IQGAP2: variants seen among roughly 807,000 people sequenced by gnomAD.
IQGAP2 encodes the protein IQ motif containing GTPase activating protein 2.
A neutral mutation model predicts 201.3 loss-of-function variants in IQGAP2; 173 were observed. The ratio of observed to expected loss-of-function variants is 0.86; its 90% CI spans 0.76 to 0.98. The LOEUF (loss-of-function observed/expected upper bound fraction) is 0.98. IQGAP2 is among the 50% of genes least tolerant of loss of function. The pLI, the probability that IQGAP2 is intolerant of heterozygous loss-of-function variation, is 0.00. For missense variants in IQGAP2, 1,687 were observed against 1,864.8 expected (o/e 0.90, Z 1.76); for synonymous variants, 675 against 673.9 (o/e 1.00, Z -0.03).
In IQGAP2 at chr5:76,448,886, G is replaced by C. The variant is rs541817798; in HGVS notation, c.47-12684G>C. Among the ~76,000 whole-genome samples, 39 of 152,302 alleles carry C rather than the reference G, an allele frequency of 2.6e-4. No homozygotes were observed. The South Asian group carries it at 8.1e-3, about 32-fold the overall frequency. On this transcript the variant is annotated intron_variant, in intron 1 of 35. Coordinates refer to ENST00000274364, the MANE Select transcript of IQGAP2 (RefSeq NM_006633.5). ...CTGTACATGATTCTCTTGCAGGTAT[G>C]TGTATTATTAGGTGTTCCAAGTCAG...
chr5:76,444,825 T>C (rs1283753343), intron 1 of IQGAP2, among the ~76,000 whole-genome samples: 1 of 152,176 alleles, frequency 6.6e-6, no homozygotes, highest in Non-Finnish European at 1.5e-5. Flanking sequence ...CCTCCTGGGA[T>C]TGGGTTTTTT....
At chr5:76,471,708 TA>T (rs11317899) in intron 2 of IQGAP2, among the ~76,000 whole-genome samples, 108,096 of 150,692 alleles carry the variant, frequency 0.72, 39,525 homozygotes, top group Middle Eastern at 0.83. Flanking sequence ...ATGATTAGTT[TA>T]AAAAAAAAAA....
At chr5:76,609,435 A>T (rs948473825) in intron 12 of IQGAP2, among the ~76,000 whole-genome samples, 4 of 152,212 alleles carry the variant, frequency 2.6e-5, no homozygotes, top group African/African-American at 9.7e-5. Flanking sequence ...AACATATTTA[A>T]GTATTATAGT....
intron 1 of IQGAP2, among the ~76,000 whole-genome samples, chr5:76,406,701 A>G (rs572410637): frequency 1.9e-4 from 29 of 152,380 alleles, no homozygotes; most frequent in African/African-American, 7.0e-4. Flanking sequence ...TAAAAACACC[A>G]GCAAGAGCAA....
intron 2 of IQGAP2, among the ~76,000 whole-genome samples, chr5:76,506,678 C>A (rs1368703955): frequency 6.6e-6 from 1 of 152,072 alleles, no homozygotes; most frequent in Non-Finnish European, 1.5e-5. Flanking sequence ...AGCAAGATTG[C>A]AATGTAAAGA....
intron 15 of IQGAP2, among the ~76,000 whole-genome samples, chr5:76,634,129 TAATA>T (rs562178028): frequency 1.5e-3 from 225 of 152,326 alleles, no homozygotes; most frequent in African/African-American, 5.3e-3. Context: ...CCATCCGCCT[TAATA>T]AATAAAGTTT....
chr5:76,677,970 G>C (rs1355785295), intron 28 of IQGAP2, among the ~76,000 whole-genome samples: 1 of 151,998 alleles, frequency 6.6e-6, no homozygotes, highest in Non-Finnish European at 1.5e-5. Context: ...AAGCCAGATT[G>C]TAAATATGCA....
At chr5:76,691,902 T>C (rs137945575) in intron 30 of IQGAP2, among the ~76,000 whole-genome samples, 354 of 152,354 alleles carry the variant, frequency 2.3e-3, no homozygotes, top group South Asian at 8.5e-3. Flanking sequence ...CCCATATCCT[T>C]CAAAATGTGA....
intron 2 of IQGAP2, among the ~76,000 whole-genome samples, chr5:76,522,113 A>G (rs543932143): frequency 6.6e-6 from 1 of 152,170 alleles, no homozygotes; most frequent in Non-Finnish European, 1.5e-5. Flanking sequence ...GTGAGAGAGA[A>G]AACAAAGCTG....
Position 76,597,468 on chromosome 5 carries a change from G to C in IQGAP2, c.937G>C (p.Val313Leu), listed in dbSNP as rs137915513. The change falls in exon 10 of 36, where the codon GTC (valine) becomes CTC (leucine). Residue 313 changes from valine (V) to leucine (L), a missense_variant. Coordinates refer to ENST00000274364, the MANE Select transcript of IQGAP2 (RefSeq NM_006633.5). ...RQAAVDHINA[V>L]IPEGDPENTL... is the part of the protein sequence containing the mutation. ...GGCTGCAGTGGACCATATCAATGCT[G>C]TCATTCCGGAAGGTGACCCCGAGAA... is the stretch of plus-strand genomic sequence containing the variant. 4.3e-5 allele frequency: 70 copies of C among 1,613,888 alleles called. No homozygotes were observed. The African/African-American group carries it at 8.7e-4, about 20-fold the overall frequency.
In IQGAP2 at chr5:76,420,809, A is replaced by C. The variant is rs148389215; in HGVS notation, c.46+17218A>C. 3.3e-5 allele frequency among the ~76,000 whole-genome samples: 5 copies of C among 152,252 alleles called. No homozygotes were observed. In the East Asian group the frequency reaches 9.7e-4, roughly 29 times the overall value. On this transcript the variant is annotated intron_variant, in intron 1 of 35. Coordinates refer to ENST00000274364, the MANE Select transcript of IQGAP2 (RefSeq NM_006633.5). Reference sequence around the variant, plus strand: ...TGAATTTGACTGCTCCAAGTACCTCATGTAAGGGGAATTATACAGTATTTG... The same window carrying C: ...TGAATTTGACTGCTCCAAGTACCTCCTGTAAGGGGAATTATACAGTATTTG...
chr5:76,440,804 CG>C (rs1752979980), intron 1 of IQGAP2, among the ~76,000 whole-genome samples: 1 of 152,000 alleles, frequency 6.6e-6, no homozygotes, highest in African/African-American at 2.4e-5. Flanking sequence ...GAGGCTGAGG[CG>C]GACGGATCAT....
chr5:76,525,473 T>C (rs964366584), intron 2 of IQGAP2, among the ~76,000 whole-genome samples: 1 of 152,168 alleles, frequency 6.6e-6, no homozygotes, highest in African/African-American at 2.4e-5. Context: ...ATTTTTTTTT[T>C]TTAATTCTGT....
chr5:76,608,201 A>G (rs1380933509), intron 12 of IQGAP2: 1 of 152,212 alleles, frequency 6.6e-6, no homozygotes, highest in Non-Finnish European at 1.5e-5. Flanking sequence ...CTATCAAGGT[A>G]ACAGCACTAC....
chr5:76,497,265 G>A (rs375842831), intron 2 of IQGAP2, among the ~76,000 whole-genome samples: 1 of 152,128 alleles, frequency 6.6e-6, no homozygotes. Flanking sequence ...TGCCTTCTGC[G>A]GTTTGGAGTT....
intron 24 of IQGAP2, 131 bp downstream of exon 24, chr5:76,672,114 C>A: frequency 1.5e-6 from 1 of 666,994 alleles, no homozygotes. Context: ...TGTTACCTCC[C>A]TTTAACATAT....
chr5:76,655,268 C>G (rs1394811557), intron 20 of IQGAP2, among the ~76,000 whole-genome samples: 1 of 90,286 alleles, frequency 1.1e-5, no homozygotes, highest in Non-Finnish European at 2.5e-5. Context: ...GGCATAAATG[C>G]TGATTTTTTT....
chr5:76,703,530 T>C (rs1747607216), intron 35 of IQGAP2, among the ~76,000 whole-genome samples: 1 of 151,978 alleles, frequency 6.6e-6, no homozygotes, highest in Middle Eastern at 3.4e-3. Context: ...AAAGGCATTA[T>C]GCAAAACAGA....
chr5:76,418,571 G>A lies in IQGAP2; in HGVS notation c.46+14980G>A, dbSNP rs561206393. Among the ~76,000 whole-genome samples the A allele has an allele frequency of 1.0e-3, 150 of 143,718 alleles. 1 individual carries two copies. Among genetic ancestry groups the A allele is most frequent in the Admixed American group, 5.1e-3 (70 of 13,832 alleles). The allele number at this position is 143,718 out of a possible 152,430, so 94.3% of individuals were successfully genotyped here. ...AAAAATTAGCTGTACTCTAGCCTGG[G>A]TCACAGAGTGAGACTCCATCTCGAA... is the stretch of plus-strand genomic sequence containing the variant. On this transcript the variant is annotated intron_variant, in intron 1 of 35. Transcript: ENST00000274364.
Sources: gnomAD v4.1 joint callset for allele counts (sites outside exome capture counted in the v4.1 genomes callset) on GRCh38, gnomAD v4.1.1 for gene constraint, MANE v1.5 for transcripts, NCBI Gene and HGNC (gene_info 2026-07-23, HGNC 2026-07-21) for gene names.